Variants in ANXA3 observed in about 807,000 individuals in gnomAD.
The protein encoded by ANXA3 is 35-alpha calcimedin.
Under a neutral mutation model 48.8 loss-of-function variants are expected in ANXA3, and 46 were observed. The ratio of observed to expected loss-of-function variants is 0.94; its 90% CI spans 0.74 to 1.21. The LOEUF (loss-of-function observed/expected upper bound fraction) is 1.21, where lower values mean the gene tolerates loss of function less well. Ranked by LOEUF, ANXA3 falls within the 50% of genes most tolerant of loss-of-function variation. The pLI is 0.00. For synonymous variants in ANXA3, 128 were observed against 134.7 expected (o/e 0.95, Z 0.35); for missense variants, 383 against 378.6 (o/e 1.01, Z -0.10).
rs1325346363 is a variant in ANXA3, at chr4:78,551,858, G to A, written c.-40G>A. 1 of 152,294 alleles carries A rather than the reference G, an allele frequency of 6.6e-6. No homozygotes were observed. The highest frequency in any genetic ancestry group is 1.5e-5 in the Non-Finnish European group (1 of 68,082). The allele number at this position is 152,294 out of a possible 1,614,324, so 9.4% of individuals were successfully genotyped here. ...ACACCAGTTTCCCCCACCGCGCTTT[G>A]GGTAAGTTCAGCCTCCCGGCGCGTC... is the stretch of plus-strand genomic sequence containing the variant. On this transcript the variant is annotated splice_region_variant and 5_prime_UTR_variant, in exon 1 of 13. Transcript: ENST00000264908.
chr4:78,590,640 C>T (rs1415578618), intron 6 of ANXA3, among the ~76,000 whole-genome samples: 1 of 151,994 alleles, frequency 6.6e-6, no homozygotes, highest in African/African-American at 2.4e-5. Flanking sequence ...ACATCACAGG[C>T]CATGCAAAAG....
chr4:78,597,050 T>G (rs547366308), intron 9 of ANXA3: 1 of 302,994 alleles, frequency 3.3e-6, no homozygotes, highest in African/African-American at 2.3e-5. Flanking sequence ...CTATTTAGGC[T>G]ATTTAAAATG....
chr4:78,597,537 C>A, intron 10 of ANXA3, 123 bp downstream of exon 10: 4 of 635,978 alleles, frequency 6.3e-6, no homozygotes, highest in Non-Finnish European at 1.1e-5. Flanking sequence ...CAGCCCCCAA[C>A]ATGGTCCAGG....
intron 3 of ANXA3, among the ~76,000 whole-genome samples, chr4:78,577,576 CAA>C (rs2109934604): frequency 6.6e-6 from 1 of 152,248 alleles, no homozygotes; most frequent in South Asian, 2.1e-4. Flanking sequence ...AATACAAAAC[CAA>C]AGACACAGAA....
intron 7 of ANXA3, among the ~76,000 whole-genome samples, chr4:78,592,159 A>T (rs551967634): frequency 6.6e-6 from 1 of 152,288 alleles, no homozygotes; most frequent in Non-Finnish European, 1.5e-5. Flanking sequence ...ATTAATCATC[A>T]TGTGACCTAA....
chr4:78,607,719 A>G (rs1258112174), intron 12 of ANXA3, among the ~76,000 whole-genome samples: 1 of 152,188 alleles, frequency 6.6e-6, no homozygotes, highest in Non-Finnish European at 1.5e-5. Context: ...AGACAATTAA[A>G]TACTAGATTG....
intron 6 of ANXA3, among the ~76,000 whole-genome samples, chr4:78,590,787 G>A (rs1475041756): frequency 6.6e-6 from 1 of 151,878 alleles, no homozygotes; most frequent in Non-Finnish European, 1.5e-5. Flanking sequence ...TAAGATTAGG[G>A]TTAGATTCGA....
intron 2 of ANXA3, among the ~76,000 whole-genome samples, chr4:78,556,334 T>A (rs1722510505): frequency 1.3e-5 from 2 of 152,288 alleles, no homozygotes; most frequent in South Asian, 4.1e-4. Context: ...TGTAATAATT[T>A]AAAAAATCAA....
intron 10 of ANXA3, among the ~76,000 whole-genome samples, chr4:78,601,252 G>C (rs1034336423): frequency 2.0e-5 from 3 of 152,180 alleles, no homozygotes; most frequent in African/African-American, 4.8e-5. Flanking sequence ...GTCGCTGTGG[G>C]AGTTTCTTTG....
In ANXA3 at chr4:78,558,544, A is replaced by G. The variant is rs1311090485; in HGVS notation, c.15+4056A>G. 3.9e-5 allele frequency among the ~76,000 whole-genome samples: 6 copies of G among 152,098 alleles called. No individual in the cohort carries two copies. In the South Asian group the frequency reaches 6.2e-4, roughly 16 times the overall value. On this transcript the variant is annotated intron_variant, in intron 2 of 12. Coordinates refer to ENST00000264908, the MANE Select transcript of ANXA3 (RefSeq NM_005139.3). Reference sequence around the variant, plus strand: ...TGTATGATTAGTTTATTACAGTGGTATGATCAAGGGAGAAGTCATTAGTTG... The same window carrying G: ...TGTATGATTAGTTTATTACAGTGGTGTGATCAAGGGAGAAGTCATTAGTTG...
At chr4:78,592,807 T>A (rs965461141) in intron 7 of ANXA3, among the ~76,000 whole-genome samples, 8 of 152,258 alleles carry the variant, frequency 5.3e-5, no homozygotes, top group African/African-American at 9.6e-5. Context: ...AGGGTGGTAG[T>A]GGTTAGTATT....
intron 10 of ANXA3, 84 bp downstream of exon 10, chr4:78,597,498 C>T: frequency 3.5e-6 from 3 of 853,762 alleles, no homozygotes; most frequent in Non-Finnish European, 5.6e-6. Context: ...GGGCAAGAAT[C>T]CTGACTGATC....
chr4:78,572,968 T>G, intron 2 of ANXA3: 1 of 653,102 alleles, frequency 1.5e-6, no homozygotes, highest in Non-Finnish European at 2.8e-6. Flanking sequence ...AGCCAGCCTG[T>G]GAGGCTAGAA....
At chr4:78,574,799 T>C (rs979833563) in intron 3 of ANXA3, among the ~76,000 whole-genome samples, 5 of 152,222 alleles carry the variant, frequency 3.3e-5, no homozygotes, top group Admixed American at 6.5e-5. Context: ...TATATTGCAA[T>C]ATAAAAATGC....
intron 12 of ANXA3, among the ~76,000 whole-genome samples, chr4:78,606,647 T>A (rs181107035): frequency 9.0e-4 from 137 of 152,254 alleles, no homozygotes; most frequent in Non-Finnish European, 1.8e-3. Flanking sequence ...CTTGGGAAGG[T>A]TTCTGCCTCT....
intron 4 of ANXA3, 109 bp downstream of exon 4, chr4:78,579,230 A>G: frequency 1.5e-6 from 1 of 684,334 alleles, no homozygotes; most frequent in Non-Finnish European, 2.5e-6. Flanking sequence ...GTAACAGAAG[A>G]TGCCCTGTGC....
In ANXA3 at chr4:78,579,027, G is replaced by T. The variant is rs200633440; in HGVS notation, c.104G>T (p.Gly35Val). ...GTAAAATAACTTTTGTTTCATTTAG[G>T]AACTGATGAGAAAATGCTCATCAGC... ...EAIQKAIRGI[G>V]TDEKMLISIL... The change falls in exon 4 of 13, where the codon GGA becomes GTA. Residue 35 changes from glycine to valine, a missense_variant and splice_region_variant. Gly to Val is a moderately radical substitution (Grantham distance 109). Coordinates refer to ENST00000264908, the MANE Select transcript of ANXA3 (RefSeq NM_005139.3). 16 of 1,603,106 alleles carry T rather than the reference G, an allele frequency of 1.0e-5. No homozygotes were observed. In the South Asian group the frequency reaches 1.4e-4, roughly 14 times the overall value.
chr4:78,567,688 G>T (rs868577442), intron 2 of ANXA3, among the ~76,000 whole-genome samples: 60 of 152,274 alleles, frequency 3.9e-4, no homozygotes, highest in African/African-American at 1.3e-3. Context: ...TGCAGATAAA[G>T]GTTAGTTAGT....
intron 2 of ANXA3, among the ~76,000 whole-genome samples, chr4:78,571,389 G>A (rs1722838186): frequency 6.6e-6 from 1 of 152,102 alleles, no homozygotes; most frequent in Admixed American, 6.5e-5. Context: ...TATTTTCTAG[G>A]TTCTAAAGTT....
Sources: gnomAD v4.1 joint callset for allele counts (sites outside exome capture counted in the v4.1 genomes callset) on GRCh38, gnomAD v4.1.1 for gene constraint, MANE v1.5 for transcripts, NCBI Gene and HGNC (gene_info 2026-07-23, HGNC 2026-07-21) for gene names.